The following NTNG1 variants were observed in gnomAD, a reference collection of about 807,000 sequenced individuals.
The protein encoded by NTNG1 is netrin G1.
In NTNG1, 16 loss-of-function variants were observed where a neutral mutation model predicts 54.0. The ratio of observed to expected loss-of-function variants is 0.30; its 90% confidence interval spans 0.20 to 0.45. The LOEUF is 0.45. NTNG1 is among the 20% of genes least tolerant of loss of function. NTNG1 has a pLI of 1.00. For synonymous variants in NTNG1, 255 were observed against 263.1 expected (o/e 0.97, Z 0.30); for missense variants, 530 against 678.7 (o/e 0.78, Z 2.43).
Position 107,283,319 on chromosome 1 carries a change from A to C in NTNG1, c.247-40963A>C, listed in dbSNP as rs148130060. ...GCTCTGTCTCCTTTTGAGACCTACC[A>C]GCTCTTCTTTCCTAGGATGCCATGT... On this transcript the variant is annotated intron_variant, in intron 2 of 7. Transcript: ENST00000370068. 4.2e-3 allele frequency among the ~76,000 whole-genome samples: 646 copies of C among 152,210 alleles called. 4 individuals carry two copies. Among genetic ancestry groups the C allele is most frequent in the African/African-American group, 0.014 (589 of 41,522 alleles).
At chr1:107,347,501 C>T (rs1669319542) in intron 3 of NTNG1, among the ~76,000 whole-genome samples, 3 of 151,998 alleles carry the variant, frequency 2.0e-5, no homozygotes, top group African/African-American at 2.4e-5. Context: ...GTCAACAGAG[C>T]GAGATCCTAT....
chr1:107,345,327 C>T (rs2101939160), intron 3 of NTNG1, among the ~76,000 whole-genome samples: 1 of 152,278 alleles, frequency 6.6e-6, no homozygotes, highest in East Asian at 1.9e-4. Flanking sequence ...TTACTGTTAG[C>T]TAATACTCAG....
At chr1:107,352,050 A>G (rs1669648981) in intron 3 of NTNG1, among the ~76,000 whole-genome samples, 1 of 152,248 alleles carries the variant, frequency 6.6e-6, no homozygotes, top group African/African-American at 2.4e-5. Flanking sequence ...TCCCAAAGCC[A>G]TGGGCAGCTC....
At chr1:107,385,316 C>T (rs988110592) in intron 3 of NTNG1, among the ~76,000 whole-genome samples, 1 of 151,868 alleles carries the variant, frequency 6.6e-6, no homozygotes, top group African/African-American at 2.4e-5. Flanking sequence ...CCACTACTCT[C>T]TGGTCTCTGC....
intron 2 of NTNG1, among the ~76,000 whole-genome samples, chr1:107,227,477 C>T (rs750539560): frequency 1.3e-5 from 2 of 152,028 alleles, no homozygotes. Context: ...CATTTGTGTG[C>T]CTTTATTATT....
chr1:107,380,685 C>T (rs1385086594), intron 3 of NTNG1, among the ~76,000 whole-genome samples: 1 of 151,976 alleles, frequency 6.6e-6, no homozygotes, highest in African/African-American at 2.4e-5. Flanking sequence ...TAATTTTTTC[C>T]AGCAAGTGTT....
intron 7 of NTNG1, among the ~76,000 whole-genome samples, chr1:107,479,623 T>C (rs1678564150): frequency 1.3e-5 from 2 of 152,214 alleles, no homozygotes; most frequent in Non-Finnish European, 2.9e-5. Flanking sequence ...CTTTTACTCT[T>C]TGTTGTTGTT....
chr1:107,395,410 A>T, intron 4 of NTNG1, 84 bp downstream of exon 4: 1 of 1,247,486 alleles, frequency 8.0e-7, no homozygotes, highest in Non-Finnish European at 1.2e-6. Flanking sequence ...TTGTGATTTT[A>T]TTCCTCTTAC....
chr1:107,165,220 G>A (rs764350627), intron 2 of NTNG1, among the ~76,000 whole-genome samples: 30 of 152,084 alleles, frequency 2.0e-4, no homozygotes, highest in East Asian at 1.9e-4. Flanking sequence ...GGCAAGGGGC[G>A]AAGAGAACCA....
At chr1:107,407,969 C>T in intron 5 of NTNG1, 1 of 680,172 alleles carries the variant, frequency 1.5e-6, no homozygotes, top group South Asian at 1.4e-5. Context: ...TACCTAGACT[C>T]AGGTGCAATT....
chr1:107,195,286 G>T (rs1050020722), intron 2 of NTNG1, among the ~76,000 whole-genome samples: 33 of 151,956 alleles, frequency 2.2e-4, no homozygotes, highest in South Asian at 1.0e-3. Context: ...TTCTCAAAAG[G>T]TATTCAGAAT....
At chr1:107,386,288 G>T (rs570930304) in intron 3 of NTNG1, among the ~76,000 whole-genome samples, 59 of 151,578 alleles carry the variant, frequency 3.9e-4, no homozygotes, top group African/African-American at 1.4e-3. Flanking sequence ...TTCTGTCTCA[G>T]CCCTCTGAGT....
intron 7 of NTNG1, among the ~76,000 whole-genome samples, chr1:107,444,637 T>C (rs990649024): frequency 6.6e-6 from 1 of 152,152 alleles, no homozygotes; most frequent in Non-Finnish European, 1.5e-5. Flanking sequence ...ACAATCCATG[T>C]TAATTTCCCC....
At chr1:107,422,319 T>A (rs1309411623) in intron 5 of NTNG1, among the ~76,000 whole-genome samples, 1 of 151,984 alleles carries the variant, frequency 6.6e-6, no homozygotes, top group East Asian at 1.9e-4. Flanking sequence ...GGATGCCATA[T>A]GGAAAGAAAC....
intron 3 of NTNG1, among the ~76,000 whole-genome samples, chr1:107,326,260 C>A (rs1224389673): frequency 6.6e-6 from 1 of 151,914 alleles, no homozygotes; most frequent in East Asian, 1.9e-4. Flanking sequence ...CGAAGCTTTT[C>A]CTAAAATTTT....
At chr1:107,150,609 G>C (rs1198105128) in intron 2 of NTNG1, among the ~76,000 whole-genome samples, 1 of 152,084 alleles carries the variant, frequency 6.6e-6, no homozygotes, top group Non-Finnish European at 1.5e-5. Context: ...CCTTTCTCAG[G>C]GTGCTGTTTT....
intron 7 of NTNG1, among the ~76,000 whole-genome samples, chr1:107,445,044 A>G (rs1406885177): frequency 1.3e-5 from 2 of 152,154 alleles, no homozygotes; most frequent in African/African-American, 4.8e-5. Flanking sequence ...GGGCCATCCT[A>G]CTTGAAACTT....
chr1:107,190,603 T>C (rs952482325), intron 2 of NTNG1, among the ~76,000 whole-genome samples: 65 of 151,878 alleles, frequency 4.3e-4, no homozygotes, highest in African/African-American at 1.6e-3. Flanking sequence ...CAGGCCCCGG[T>C]GTGTGATGTT....
intron 4 of NTNG1, among the ~76,000 whole-genome samples, chr1:107,398,545 T>C (rs1398948760): frequency 6.6e-6 from 1 of 152,132 alleles, no homozygotes; most frequent in Non-Finnish European, 1.5e-5. Flanking sequence ...TTCTAAAATA[T>C]AGCCACCCCA....
Sources: allele counts gnomAD v4.1 joint callset (sites outside exome capture counted in the v4.1 genomes callset), GRCh38; gene constraint gnomAD v4.1.1; transcripts MANE v1.5; gene names NCBI Gene and HGNC (gene_info 2026-07-23, HGNC 2026-07-21).